ADK: variants seen among roughly 807,000 people sequenced by gnomAD.
ADK encodes adenosine kinase, also known as N6,N6-dimethyladenosine kinase.
ADK carries 24 observed loss-of-function variants against 44.7 expected under a neutral mutation model. The observed-to-expected ratio is 0.54, with a 90% confidence interval of 0.39 to 0.76. The LOEUF (loss-of-function observed/expected upper bound fraction) is 0.76, where lower values mean the gene tolerates loss of function less well. Among genes scored for constraint, ADK ranks in the 30% least tolerant of loss-of-function variants. The probability of loss-of-function intolerance (pLI) is 0.00; values close to 1 mark genes in which losing one functional copy is unlikely to be tolerated. For missense variants in ADK, 321 were observed against 425.1 expected (o/e 0.76, Z 2.15); for synonymous variants, 128 against 142.6 (o/e 0.90, Z 0.73).
chr10:74,467,183 A>G (rs1414030951), intron 6 of ADK, among the ~76,000 whole-genome samples: 1 of 152,154 alleles, frequency 6.6e-6, no homozygotes, highest in Non-Finnish European at 1.5e-5. Flanking sequence ...ACCTCAAAGA[A>G]AAGATCGTGC....
At chr10:74,485,389 G>T (rs562038923) in intron 6 of ADK, among the ~76,000 whole-genome samples, 3 of 151,814 alleles carry the variant, frequency 2.0e-5, no homozygotes, top group African/African-American at 7.3e-5. Flanking sequence ...TTGAGCCCAG[G>T]ATGTCAAGGT....
chr10:74,515,189 T>C (rs1848516108), intron 6 of ADK, among the ~76,000 whole-genome samples: 1 of 152,248 alleles, frequency 6.6e-6, no homozygotes, highest in Admixed American at 6.5e-5. Context: ...ACATTAGCCT[T>C]ATTTCTAGAT....
chr10:74,379,285 G>A (rs1330489954), intron 4 of ADK, among the ~76,000 whole-genome samples: 1 of 152,194 alleles, frequency 6.6e-6, no homozygotes, highest in African/African-American at 2.4e-5. Context: ...GTAGCGTGGA[G>A]TTAATGAAAA....
At chr10:74,582,988 T>C (rs1237472879) in intron 7 of ADK, among the ~76,000 whole-genome samples, 2 of 152,216 alleles carry the variant, frequency 1.3e-5, no homozygotes, top group African/African-American at 4.8e-5. Context: ...TCAGTTACTT[T>C]ATTTACAAAT....
chr10:74,243,151 C>T lies in ADK; in HGVS notation c.194+18560C>T, dbSNP rs552326947. 2.0e-5 allele frequency among the ~76,000 whole-genome samples: 3 copies of T among 152,320 alleles called. No homozygotes were observed. The South Asian group carries it at 6.2e-4, about 32-fold the overall frequency. On this transcript the variant is annotated intron_variant, in intron 3 of 10. Transcript: ENST00000539909. ...ACATGCACACAGACAGACGGCAGAG[C>T]TAAAAGACCACTGTAACACTTTCTC...
At chr10:74,667,106 C>G (rs1854987161) in intron 9 of ADK, among the ~76,000 whole-genome samples, 2 of 152,260 alleles carry the variant, frequency 1.3e-5, no homozygotes, top group South Asian at 4.1e-4. Context: ...GCTGGGATTA[C>G]AGGCATGAGC....
chr10:74,378,252 G>T (rs1377574590), intron 4 of ADK, among the ~76,000 whole-genome samples: 1 of 151,884 alleles, frequency 6.6e-6, no homozygotes, highest in African/African-American at 2.4e-5. Flanking sequence ...CTCAGAGTGA[G>T]ATTCTGTTTC....
At chr10:74,201,003 T>C (rs1843357362) in intron 2 of ADK, among the ~76,000 whole-genome samples, 165 bp downstream of exon 2, 1 of 152,244 alleles carries the variant, frequency 6.6e-6, no homozygotes, top group Non-Finnish European at 1.5e-5. Context: ...ATTGAATAAC[T>C]GAGTACAGTT....
Position 74,446,099 on chromosome 10 carries a change from A to G in ADK, c.555+47520A>G, listed in dbSNP as rs139568623. Reference sequence around the variant, plus strand: ...AATAGATTCTGCTAGTTGAATGCTGAAATGAATAGTATATACTTTAAAGGG... The same window carrying G: ...AATAGATTCTGCTAGTTGAATGCTGGAATGAATAGTATATACTTTAAAGGG... On this transcript the variant is annotated intron_variant, in intron 6 of 10. Transcript: ENST00000539909. Among the ~76,000 whole-genome samples, 838 of 152,230 alleles carry G rather than the reference A, an allele frequency of 5.5e-3. 8 individuals carry two copies. The highest frequency in any genetic ancestry group is 0.019 in the African/African-American group (783 of 41,570).
Position 74,281,450 on chromosome 10 carries a change from C to T in ADK, c.195-33217C>T, listed in dbSNP as rs570738469. On this transcript the variant is annotated intron_variant, in intron 3 of 10. Coordinates refer to ENST00000539909, the MANE Select transcript of ADK (RefSeq NM_006721.4). Reference sequence around the variant, plus strand: ...AGGCAGTCTCTCTTATGATCCTAGACATTAAATTGTTACTTGCAACTAGTG... The same window carrying T: ...AGGCAGTCTCTCTTATGATCCTAGATATTAAATTGTTACTTGCAACTAGTG... Among the ~76,000 whole-genome samples, 38 of 152,298 alleles carry T rather than the reference C, an allele frequency of 2.5e-4. 1 individual carries two copies. The South Asian group carries it at 6.2e-3, about 25-fold the overall frequency.
At chr10:74,328,800 T>G (rs1490187679) in intron 4 of ADK, among the ~76,000 whole-genome samples, 1 of 152,112 alleles carries the variant, frequency 6.6e-6, no homozygotes, top group African/African-American at 2.4e-5. Flanking sequence ...ACCTCTTTTC[T>G]TTATAAATTA....
At chr10:74,623,896 CA>C (rs1853088695) in intron 9 of ADK, among the ~76,000 whole-genome samples, 1 of 151,862 alleles carries the variant, frequency 6.6e-6, no homozygotes, top group Non-Finnish European at 1.5e-5. Context: ...TTGTTTGTAC[CA>C]GTGAGTATTT....
In ADK at chr10:74,658,974, G is replaced by A. The variant is rs74688958; in HGVS notation, c.878-11209G>A. Reference sequence around the variant, plus strand: ...CCCACACTTGTAATCCCAGTACTTCGGGAAGCCAAGGTGGGAGGATCACTT... The same window carrying A: ...CCCACACTTGTAATCCCAGTACTTCAGGAAGCCAAGGTGGGAGGATCACTT... On this transcript the variant is annotated intron_variant, in intron 9 of 10. Transcript: ENST00000539909. Among the ~76,000 whole-genome samples the A allele has an allele frequency of 5.2e-3, 792 of 152,014 alleles. 14 individuals are homozygous for A. The highest frequency in any genetic ancestry group is 0.018 in the Admixed American group (273 of 15,258).
At chr10:74,252,213 G>A (rs577176656) in intron 3 of ADK, among the ~76,000 whole-genome samples, 1 of 152,194 alleles carries the variant, frequency 6.6e-6, no homozygotes, top group African/African-American at 2.4e-5. Flanking sequence ...CCAAAACACT[G>A]GATGGCACAG....
At chr10:74,400,377 G>C (rs1177525469) in intron 6 of ADK, among the ~76,000 whole-genome samples, 1 of 152,086 alleles carries the variant, frequency 6.6e-6, no homozygotes, top group Non-Finnish European at 1.5e-5. Flanking sequence ...ACTCATATTG[G>C]ATACCTGGGA....
At chr10:74,492,389 C>T (rs967375621) in intron 6 of ADK, among the ~76,000 whole-genome samples, 2 of 151,844 alleles carry the variant, frequency 1.3e-5, no homozygotes, top group Non-Finnish European at 2.9e-5. Flanking sequence ...ATCACTTGAG[C>T]CCAAGAGTTC....
intron 4 of ADK, among the ~76,000 whole-genome samples, chr10:74,339,428 A>G (rs1366959543): frequency 6.6e-6 from 1 of 152,222 alleles, no homozygotes; most frequent in Non-Finnish European, 1.5e-5. Context: ...TATCTTGTTG[A>G]CATAAACATA....
At chr10:74,211,572 T>C (rs1843812671) in intron 2 of ADK, among the ~76,000 whole-genome samples, 2 of 152,164 alleles carry the variant, frequency 1.3e-5, no homozygotes, top group African/African-American at 4.8e-5. Flanking sequence ...TAGAAGTCAA[T>C]AAAGTACAAA....
At chr10:74,398,438 T>C (rs1476259758) in intron 5 of ADK, 33 bp from the exon 6 acceptor site, 3 of 1,441,416 alleles carry the variant, frequency 2.1e-6, no homozygotes, top group Admixed American at 1.7e-5. Flanking sequence ...AGTTTGACTA[T>C]AATATTACTT....
Sources: gnomAD v4.1 joint callset for allele counts (sites outside exome capture counted in the v4.1 genomes callset) on GRCh38, gnomAD v4.1.1 for gene constraint, MANE v1.5 for transcripts, NCBI Gene and HGNC (gene_info 2026-07-23, HGNC 2026-07-21) for gene names.